EML1: variants seen among roughly 807,000 people sequenced by gnomAD.
EML1 encodes the protein echinoderm microtubule-associated protein-like 1.
A neutral mutation model predicts 110.4 loss-of-function variants in EML1; 27 were observed. The observed-to-expected ratio is 0.24, with a 90% CI of 0.18 to 0.34. EML1 has a LOEUF of 0.34. Ranked by LOEUF, EML1 falls within the 10% of genes least tolerant of loss-of-function variation. The pLI is 1.00. For missense variants in EML1, 741 were observed against 1,030.9 expected, an observed-to-expected ratio of 0.72 and a Z score of 3.85; for synonymous variants, 344 against 385.8, an observed-to-expected ratio of 0.89 and a Z score of 1.27.
intron 1 of EML1, among the ~76,000 whole-genome samples, chr14:99,739,061 TGA>T (rs1555385382): frequency 8.6e-5 from 9 of 105,214 alleles, no homozygotes; most frequent in Admixed American, 2.2e-4. Flanking sequence ...AGTGAGAGTG[TGA>T]GAGTGTGTGT....
intron 1 of EML1, among the ~76,000 whole-genome samples, chr14:99,740,005 C>A (rs142338971): frequency 6.6e-6 from 1 of 152,272 alleles, no homozygotes; most frequent in Non-Finnish European, 1.5e-5. Flanking sequence ...AACTCCTCAA[C>A]GTGCACTAAG....
intron 1 of EML1, among the ~76,000 whole-genome samples, chr14:99,744,151 C>T (rs2057076902): frequency 6.6e-6 from 1 of 152,126 alleles, no homozygotes. Context: ...TCTTTTTTTA[C>T]ATAAGTCAGA....
At chr14:99,932,285 C>T (rs1408646772) in intron 17 of EML1, among the ~76,000 whole-genome samples, 1 of 152,158 alleles carries the variant, frequency 6.6e-6, no homozygotes, top group Non-Finnish European at 1.5e-5. Flanking sequence ...TTAAGCCTGT[C>T]AGAGATAGAA....
chr14:99,914,818 A>G (rs901005790), intron 15 of EML1, 121 bp downstream of exon 15: 2 of 1,325,038 alleles, frequency 1.5e-6, no homozygotes, highest in East Asian at 2.6e-5. Flanking sequence ...TTATTTATCT[A>G]TTTAGAGTTG....
intron 17 of EML1, among the ~76,000 whole-genome samples, chr14:99,926,749 C>CT (rs1032537404): frequency 0.02 from 2,772 of 142,042 alleles, 39 homozygotes; most frequent in Non-Finnish European, 0.021. Context: ...CCAGCTCTGC[C>CT]TTTTTTTTTT....
intron 4 of EML1, among the ~76,000 whole-genome samples, chr14:99,882,898 CT>C (rs2059411602): frequency 1.3e-5 from 2 of 152,064 alleles, no homozygotes; most frequent in East Asian, 3.9e-4. Context: ...GTTGTGCCCC[CT>C]CAACCCCGGG....
chr14:99,904,881 A>G (rs1328206762), intron 9 of EML1, among the ~76,000 whole-genome samples: 4 of 152,208 alleles, frequency 2.6e-5, no homozygotes. Context: ...ATCCTATGGT[A>G]CCCCTCTTTA....
chr14:99,813,981 C>G (rs2058124563), intron 1 of EML1, among the ~76,000 whole-genome samples: 1 of 152,062 alleles, frequency 6.6e-6, no homozygotes, highest in African/African-American at 2.4e-5. Context: ...AGACGAAGGC[C>G]AGCAGCATCA....
chr14:99,897,819 A>T (rs769123928), intron 7 of EML1, among the ~76,000 whole-genome samples: 5 of 152,140 alleles, frequency 3.3e-5, no homozygotes, highest in Non-Finnish European at 7.4e-5. Context: ...TCTTGGAAGG[A>T]TGGATGCGTG....
chr14:99,747,202 A>AG (rs1322329918), intron 1 of EML1, among the ~76,000 whole-genome samples: 6 of 151,406 alleles, frequency 4.0e-5, no homozygotes, highest in Non-Finnish European at 5.9e-5. Context: ...AAAAAAAAAA[A>AG]AAAAGGAAGA....
chr14:99,764,948 C>T (rs545587745), intron 1 of EML1, among the ~76,000 whole-genome samples: 54 of 151,916 alleles, frequency 3.6e-4, no homozygotes, highest in Middle Eastern at 6.8e-3. Context: ...TTGTTGTTGT[C>T]GTTTTTAGAG....
chr14:99,878,902 A>G (rs1595421956), intron 4 of EML1, among the ~76,000 whole-genome samples: 1 of 152,182 alleles, frequency 6.6e-6, no homozygotes, highest in South Asian at 2.1e-4. Flanking sequence ...AGTACCAAGT[A>G]CCTAGAACTG....
intron 1 of EML1, among the ~76,000 whole-genome samples, chr14:99,825,478 C>G (rs2058336942): frequency 6.6e-6 from 1 of 152,128 alleles, no homozygotes; most frequent in African/African-American, 2.4e-5. Flanking sequence ...AGCTACTGCC[C>G]GAGATCACAT....
intron 1 of EML1, among the ~76,000 whole-genome samples, chr14:99,812,662 G>A (rs1188556978): frequency 6.8e-6 from 1 of 147,892 alleles, no homozygotes. Context: ...GTTGGAAGCA[G>A]GTGGGGTAGG....
At chr14:99,770,779 A>ATTTTTTTTTTTTTTT (rs34744469), upstream of EML1, among the ~76,000 whole-genome samples, 108 of 91,626 alleles carry the variant, frequency 1.2e-3, 13 homozygotes, top group African/African-American at 4.5e-3. Flanking sequence ...GTTTCCGCTG[A>ATTTTTTTTTTTTTTT]TTTTTTTTTT....
At chr14:99,927,017 G>A (rs2060246838) in intron 17 of EML1, among the ~76,000 whole-genome samples, 1 of 152,130 alleles carries the variant, frequency 6.6e-6, no homozygotes, top group African/African-American at 2.4e-5. Context: ...CAAAGTGCTG[G>A]GATTACAGGC....
chr14:99,791,907 C>G (rs1241972878), upstream of EML1, among the ~76,000 whole-genome samples: 1 of 152,212 alleles, frequency 6.6e-6, no homozygotes, highest in Non-Finnish European at 1.5e-5. Flanking sequence ...CTGCAGGCAC[C>G]GTTCCTTCTT....
intron 3 of EML1, chr14:99,874,979 G>A (rs750727177): frequency 1.3e-5 from 21 of 1,613,234 alleles, no homozygotes; most frequent in African/African-American, 2.7e-5. Context: ...TGAATAGATC[G>A]ACACCAAGGT....
At chr14:99,841,366 T>C (rs904001363) in intron 1 of EML1, among the ~76,000 whole-genome samples, 4 of 152,242 alleles carry the variant, frequency 2.6e-5, no homozygotes, top group African/African-American at 9.6e-5. Context: ...AAGTACCATT[T>C]GTGTTGAGTG....
Sources: allele counts gnomAD v4.1 joint callset (sites outside exome capture counted in the v4.1 genomes callset), GRCh38; gene constraint gnomAD v4.1.1; transcripts MANE v1.5; gene names NCBI Gene and HGNC (gene_info 2026-07-23, HGNC 2026-07-21).